CACNA1A: variants seen among roughly 807,000 people sequenced by gnomAD.
CACNA1A encodes the protein voltage-dependent P/Q-type calcium channel subunit alpha-1A.
A neutral mutation model predicts 262.4 loss-of-function variants in CACNA1A; 57 were observed. The observed-to-expected ratio is 0.22, with a 90% CI of 0.18 to 0.27. The LOEUF is 0.27. CACNA1A is among the 10% of genes least tolerant of loss of function. The pLI, the probability that CACNA1A is intolerant of heterozygous loss-of-function variation, is 1.00. For synonymous variants in CACNA1A, 1,431 were observed against 1,419.3 expected, an observed-to-expected ratio of 1.01 and a Z score of -0.18; for missense variants, 2,526 against 3,562.8, an observed-to-expected ratio of 0.71 and a Z score of 7.41.
intron 3 of CACNA1A, among the ~76,000 whole-genome samples, chr19:13,402,956 C>T (rs2059936231): frequency 7.2e-6 from 1 of 139,524 alleles, no homozygotes; most frequent in Admixed American, 7.6e-5. Context: ...TACCATCAAA[C>T]AGTAGCAATA....
intron 1 of CACNA1A, among the ~76,000 whole-genome samples, chr19:13,462,082 T>C (rs2061134100): frequency 6.6e-6 from 1 of 152,206 alleles, no homozygotes; most frequent in African/African-American, 2.4e-5. Context: ...ATTCAGAACA[T>C]GAAGGAAAAT....
chr19:13,313,902 C>T (rs570991169), intron 11 of CACNA1A, among the ~76,000 whole-genome samples: 5 of 152,196 alleles, frequency 3.3e-5, no homozygotes, highest in South Asian at 2.1e-4. Context: ...TTAGTTGGAG[C>T]GACACAGGCA....
rs896790084 is a variant in CACNA1A, at chr19:13,489,003, C to CTTTTTTTTTT, written c.293+16919_293+16928dup. On this transcript the variant is annotated intron_variant, in intron 1 of 46. Transcript: ENST00000360228. ...TATTGTAATTAATTTCTTTTCTTTT[C>CTTTTTTTTTT]TTTTTTTTTTTTTTTTTTTTTTTTT... is the stretch of plus-strand genomic sequence containing the variant. Among the ~76,000 whole-genome samples the CTTTTTTTTTT allele has an allele frequency of 8.2e-3, 613 of 75,176 alleles. 29 individuals are homozygous for CTTTTTTTTTT. Among genetic ancestry groups the CTTTTTTTTTT allele is most frequent in the Non-Finnish European group, 0.01 (438 of 42,750 alleles). The allele number at this position is 75,176 out of a possible 152,430, so 49.3% of individuals were successfully genotyped here. A position where few individuals can be genotyped will look rare whatever the true frequency, so the allele number is the denominator to read the frequency against.
intron 17 of CACNA1A, among the ~76,000 whole-genome samples, 200 bp from the exon 18 acceptor site, chr19:13,300,856 A>G (rs1056149552): frequency 3.9e-5 from 6 of 152,176 alleles, no homozygotes; most frequent in African/African-American, 1.4e-4. Flanking sequence ...CTAACTCATT[A>G]TGAAGCCTAT....
At position 13,298,882 on chromosome 19, in the gene CACNA1A, C is replaced by G. The variant is rs16022; in HGVS notation, c.2751G>C (p.Glu917Asp). The change falls in exon 19 of 47, where the codon GAG (glutamate) becomes GAC (aspartate). Residue 917 changes from glutamate (E) to aspartate (D), a missense_variant. By Grantham distance (45) the Glu-to-Asp change is conservative. Transcript: ENST00000360228. Reference protein sequence around the residue: ...EGSLEQPGFWEGEAERGKAGD... With the variant: ...EGSLEQPGFWDGEAERGKAGD... ...CGGCCTTGCCTCGCTCGGCCTCGCC[C>G]TCCCAGAACCCGGGTTGCTCCAGGC... 0.14 allele frequency: 219,689 copies of G among 1,592,562 alleles called. 15,785 individuals carry two copies. Among genetic ancestry groups the G allele is most frequent in the Middle Eastern group, 0.17 (969 of 5,682 alleles).
intron 3 of CACNA1A, among the ~76,000 whole-genome samples, chr19:13,375,815 G>A (rs949596854): frequency 2.0e-5 from 3 of 151,620 alleles, no homozygotes; most frequent in South Asian, 2.1e-4. Flanking sequence ...ACAAACAAAA[G>A]GCCATAAGCT....
intron 30 of CACNA1A, among the ~76,000 whole-genome samples, chr19:13,246,147 T>G (rs2056229106): frequency 6.6e-6 from 1 of 152,226 alleles, no homozygotes; most frequent in Non-Finnish European, 1.5e-5. Context: ...ATCCCAGCTC[T>G]GCTACCACAG....
chr19:13,217,057 TG>T (rs2055039556), intron 38 of CACNA1A, among the ~76,000 whole-genome samples: 1 of 152,110 alleles, frequency 6.6e-6, no homozygotes, highest in African/African-American at 2.4e-5. Context: ...CGCTTGAACC[TG>T]GGAGGTGGAG....
At chr19:13,473,046 A>G (rs138937025) in intron 1 of CACNA1A, among the ~76,000 whole-genome samples, 117 of 152,264 alleles carry the variant, frequency 7.7e-4, no homozygotes, top group Middle Eastern at 3.4e-3. Context: ...TGAGCCCAGA[A>G]GTTCAAGACC....
In CACNA1A at chr19:13,233,364, C is replaced by T. The variant is rs138344314; in HGVS notation, c.5250-1504G>A. Among the ~76,000 whole-genome samples the T allele has an allele frequency of 6.1e-4, 93 of 152,336 alleles. 1 individual carries two copies. Among genetic ancestry groups the T allele is most frequent in the African/African-American group, 2.1e-3 (89 of 41,570 alleles). On this transcript the variant is annotated intron_variant, in intron 34 of 46. Coordinates refer to ENST00000360228, the MANE Select transcript of CACNA1A (RefSeq NM_001127222.2). The stretch of plus-strand genomic sequence containing the variant: ...TTATTTTTTACTGTGGCAAAATACA[C>T]ACAGCATGAAGTTTATCAATTTAAC...
intron 10 of CACNA1A, among the ~76,000 whole-genome samples, chr19:13,326,530 A>G (rs1242248798): frequency 1.3e-5 from 2 of 152,038 alleles, no homozygotes; most frequent in Non-Finnish European, 2.9e-5. Context: ...TCACGCCTGT[A>G]ATCCCACTGC....
chr19:13,257,613 G>C, intron 27 of CACNA1A, 62 bp from the exon 28 acceptor site: 1 of 1,107,792 alleles, frequency 9.0e-7, no homozygotes, highest in Non-Finnish European at 1.3e-6. Context: ...GACCCAAGGG[G>C]TGATGAGGAA....
chr19:13,505,042 C>T (rs1982852624), intron 1 of CACNA1A, among the ~76,000 whole-genome samples: 1 of 152,172 alleles, frequency 6.6e-6, no homozygotes, highest in Non-Finnish European at 1.5e-5. Context: ...TGTTCCCTCT[C>T]GGCTACTCGG....
At chr19:13,436,990 G>A (rs543777838) in intron 3 of CACNA1A, among the ~76,000 whole-genome samples, 19 of 152,218 alleles carry the variant, frequency 1.2e-4, no homozygotes, top group Non-Finnish European at 2.1e-4. Flanking sequence ...GTTAGCTGGT[G>A]TCCCTGCCAC....
At chr19:13,354,049 C>T (rs1015641319) in intron 6 of CACNA1A, among the ~76,000 whole-genome samples, 13 of 152,186 alleles carry the variant, frequency 8.5e-5, no homozygotes, top group African/African-American at 2.9e-4. Flanking sequence ...CTGTCTTCTT[C>T]GTTGCAGTGT....
Position 13,245,453 on chromosome 19 carries a change from T to C in CACNA1A, c.4867-188A>G, listed in dbSNP as rs1410936598. On this transcript the variant is annotated intron_variant, in intron 30 of 46. Coordinates refer to ENST00000360228, the MANE Select transcript of CACNA1A (RefSeq NM_001127222.2). ...GTGCTGAGTCTCCCTCCCTGGGAACTCCTGGGGGCCTTCCCATGATTGGCC... is the reference window on the plus strand; with the variant it reads ...GTGCTGAGTCTCCCTCCCTGGGAACCCCTGGGGGCCTTCCCATGATTGGCC... 6.8e-6 allele frequency: 4 copies of C among 592,082 alleles called. No individual in the cohort carries two copies. The East Asian group carries it at 1.2e-4, about 17-fold the overall frequency. The allele number at this position is 592,082 out of a possible 1,614,324, so 36.7% of individuals were successfully genotyped here.
At chr19:13,486,750 C>A (rs754825958) in intron 1 of CACNA1A, among the ~76,000 whole-genome samples, 11 of 152,122 alleles carry the variant, frequency 7.2e-5, no homozygotes, top group Non-Finnish European at 1.0e-4. Flanking sequence ...ATCTTTGTCT[C>A]TCTCTCTTTT....
chr19:13,380,420 C>A (rs1422988705), intron 3 of CACNA1A, among the ~76,000 whole-genome samples: 1 of 151,108 alleles, frequency 6.6e-6, no homozygotes, highest in East Asian at 2.0e-4. Flanking sequence ...CCGACGCAGG[C>A]AGATCACTTG....
chr19:13,450,946 G>A (rs1442347444), intron 3 of CACNA1A: 2 of 152,204 alleles, frequency 1.3e-5, no homozygotes, highest in African/African-American at 4.8e-5. Flanking sequence ...ATACAGGCAT[G>A]AGCCACCCTG....
Sources: gnomAD v4.1 joint callset for allele counts (sites outside exome capture counted in the v4.1 genomes callset) on GRCh38, gnomAD v4.1.1 for gene constraint, MANE v1.5 for transcripts, NCBI Gene and HGNC (gene_info 2026-07-23, HGNC 2026-07-21) for gene names.